Variants in ADGRV1 observed in about 807,000 individuals in gnomAD.
ADGRV1 encodes adhesion G protein-coupled receptor V1.
Under a neutral mutation model 596.2 loss-of-function variants are expected in ADGRV1, and 359 were observed. The ratio of observed to expected loss-of-function variants is 0.60; its 90% CI spans 0.55 to 0.66. The LOEUF is 0.66. ADGRV1 is among the 30% of genes least tolerant of loss of function. The pLI, the probability that ADGRV1 is intolerant of heterozygous loss-of-function variation, is 0.00. For missense variants in ADGRV1, 7,274 were observed against 7,575.6 expected (o/e 0.96, Z 1.48); for synonymous variants, 2,681 against 2,679.2 (o/e 1.00, Z -0.02).
At chr5:91,028,036 T>C (rs1784162821) in intron 85 of ADGRV1, among the ~76,000 whole-genome samples, 2 of 147,698 alleles carry the variant, frequency 1.4e-5, no homozygotes, top group Non-Finnish European at 1.5e-5. Flanking sequence ...TTTTTTTCTT[T>C]CTTTTTTTTT....
chr5:91,050,793 AG>A (rs1318504814), intron 85 of ADGRV1, among the ~76,000 whole-genome samples: 1 of 152,184 alleles, frequency 6.6e-6, no homozygotes, highest in African/African-American at 2.4e-5. Context: ...CAGAAGGTTG[AG>A]GCTGCAGTGA....
chr5:90,704,288 A>T (rs1343296895), intron 35 of ADGRV1, 101 bp from the exon 36 acceptor site: 2 of 738,908 alleles, frequency 2.7e-6, no homozygotes, highest in African/African-American at 1.8e-5. Context: ...TTAAATGAAA[A>T]TATATTTGCC....
chr5:90,573,746 A>G (rs749496305), intron 1 of ADGRV1, among the ~76,000 whole-genome samples: 3 of 152,178 alleles, frequency 2.0e-5, no homozygotes, highest in Non-Finnish European at 4.4e-5. Context: ...AAATGAGAGA[A>G]ATTTAATAAA....
intron 76 of ADGRV1, 73 bp downstream of exon 76, chr5:90,823,669 T>A: frequency 7.7e-7 from 1 of 1,306,680 alleles, no homozygotes; most frequent in Non-Finnish European, 1.1e-6. Flanking sequence ...TTAAAACCAC[T>A]ATTGAAACTT....
At chr5:91,036,253 C>T (rs796524411) in intron 85 of ADGRV1, among the ~76,000 whole-genome samples, 31 of 152,118 alleles carry the variant, frequency 2.0e-4, no homozygotes, top group African/African-American at 7.5e-4. Flanking sequence ...AATCCCAACA[C>T]TTTGGAAGGT....
intron 37 of ADGRV1, among the ~76,000 whole-genome samples, chr5:90,705,903 G>A (rs921150800): frequency 1.3e-5 from 2 of 152,154 alleles, no homozygotes; most frequent in South Asian, 2.1e-4. Flanking sequence ...GGAACAAATG[G>A]TAGCACAAAA....
intron 85 of ADGRV1, among the ~76,000 whole-genome samples, chr5:91,056,404 G>A (rs541109826): frequency 3.3e-5 from 5 of 152,092 alleles, no homozygotes; most frequent in South Asian, 4.1e-4. Flanking sequence ...GCTGGTCATC[G>A]CCAGTTGTCC....
At chr5:90,659,092 G>A (rs979703230) in intron 21 of ADGRV1, among the ~76,000 whole-genome samples, 4 of 152,142 alleles carry the variant, frequency 2.6e-5, no homozygotes. Context: ...CTGCCTCTCT[G>A]GAGTGTCTTT....
In ADGRV1 at chr5:90,683,813, T is replaced by C. The variant is rs201983595; in HGVS notation, c.5892T>C (p.Asn1964=). The C allele has an allele frequency of 1.0e-4, 167 of 1,613,904 alleles. No individual in the cohort carries two copies. The highest frequency in any genetic ancestry group is 3.2e-4 in the Admixed American group (19 of 59,998). ...VSSGSLGAHI[N]ATLTVLASDD... ...GTGGTTCTTTGGGAGCTCATATTAA[T>C]GCCACGTTAACAGTTTTGGCTAGTG... The change falls in exon 28 of 90, where the codon AAT becomes AAC. Residue 1964 remains asparagine, a synonymous_variant. Coordinates refer to ENST00000405460, the MANE Select transcript of ADGRV1 (RefSeq NM_032119.4).
In ADGRV1 at chr5:90,653,192, A is replaced by C. The variant is rs1389927216; in HGVS notation, c.3635-17A>C. ...CTTGAAATTCTAGTTTCTCACTCAT[A>C]AATTTTCTTGTTACAGGTGGATCCC... is the stretch of plus-strand genomic sequence containing the variant. On this transcript the variant is annotated splice_polypyrimidine_tract_variant and intron_variant, in intron 19 of 89. Transcript: ENST00000405460. The C allele has an allele frequency of 5.7e-6, 9 of 1,571,048 alleles. No individual in the cohort carries two copies. Among genetic ancestry groups the C allele is most frequent in the Non-Finnish European group, 7.8e-6 (9 of 1,158,738 alleles).
chr5:90,705,191 C>T (rs1406618915), intron 36 of ADGRV1, among the ~76,000 whole-genome samples: 1 of 152,074 alleles, frequency 6.6e-6, no homozygotes, highest in Non-Finnish European at 1.5e-5. Flanking sequence ...ACCAGTATAA[C>T]CAATAATGAC....
At chr5:90,596,941 G>A (rs984568380) in intron 1 of ADGRV1, among the ~76,000 whole-genome samples, 1 of 152,144 alleles carries the variant, frequency 6.6e-6, no homozygotes, top group East Asian at 1.9e-4. Flanking sequence ...CAAAAAGAGT[G>A]GTGGGTGGTC....
At chr5:90,839,499 T>G (rs1265492996) in intron 77 of ADGRV1, among the ~76,000 whole-genome samples, 1 of 152,002 alleles carries the variant, frequency 6.6e-6, no homozygotes, top group South Asian at 2.1e-4. Context: ...CAGGTGTGAG[T>G]CACCACACCC....
intron 48 of ADGRV1, 64 bp from the exon 49 acceptor site, chr5:90,728,603 GAT>G: frequency 7.7e-7 from 1 of 1,298,188 alleles, no homozygotes; most frequent in Non-Finnish European, 1.1e-6. Flanking sequence ...ATATGGTATT[GAT>G]TACATTCTTG....
At chr5:90,867,487 T>A (rs1476224407) in intron 83 of ADGRV1, among the ~76,000 whole-genome samples, 1 of 152,186 alleles carries the variant, frequency 6.6e-6, no homozygotes, top group African/African-American at 2.4e-5. Context: ...TGCAATGTCC[T>A]GTTTCCCAGG....
At chr5:90,703,168 A>T (rs1748124346) in intron 34 of ADGRV1, among the ~76,000 whole-genome samples, 3 of 152,076 alleles carry the variant, frequency 2.0e-5, no homozygotes, top group Admixed American at 2.0e-4. Flanking sequence ...TTTATAATAC[A>T]AAATCATTGA....
At chr5:90,566,383 C>T (rs1314631785) in intron 1 of ADGRV1, among the ~76,000 whole-genome samples, 1 of 152,060 alleles carries the variant, frequency 6.6e-6, no homozygotes, top group Non-Finnish European at 1.5e-5. Flanking sequence ...ATCCAATTAT[C>T]CAGGTTCCAT....
chr5:90,979,215 C>T (rs892498295), intron 84 of ADGRV1, among the ~76,000 whole-genome samples: 16 of 151,096 alleles, frequency 1.1e-4, no homozygotes, highest in African/African-American at 3.9e-4. Flanking sequence ...GTCACTGCAG[C>T]TGGAGTGCAG....
chr5:90,997,285 T>A (rs1781497158), intron 85 of ADGRV1, among the ~76,000 whole-genome samples: 1 of 152,166 alleles, frequency 6.6e-6, no homozygotes. Flanking sequence ...TGGTTTCTAA[T>A]GGTTTAGCAC....
Sources: allele counts gnomAD v4.1 joint callset (sites outside exome capture counted in the v4.1 genomes callset), GRCh38; gene constraint gnomAD v4.1.1; transcripts MANE v1.5; gene names NCBI Gene and HGNC (gene_info 2026-07-23, HGNC 2026-07-21).